Variants in PTPN5 observed in about 807,000 individuals in gnomAD.
PTPN5 encodes the protein tyrosine-protein phosphatase non-receptor type 5.
Under a neutral mutation model 73.9 loss-of-function variants are expected in PTPN5, and 29 were observed. The observed-to-expected ratio is 0.39, with a 90% CI of 0.29 to 0.54. The LOEUF (loss-of-function observed/expected upper bound fraction) is 0.54, where lower values mean the gene tolerates loss of function less well. PTPN5 is among the 20% of genes least tolerant of loss of function. PTPN5 has a pLI of 0.65. For missense variants in PTPN5, 652 were observed against 751.4 expected, an observed-to-expected ratio of 0.87 and a Z score of 1.55; for synonymous variants, 267 against 304.7, an observed-to-expected ratio of 0.88 and a Z score of 1.29.
intron 1 of PTPN5, among the ~76,000 whole-genome samples, chr11:18,787,317 ACATT>A (rs35970048): frequency 0.21 from 32,006 of 151,866 alleles, 3,770 homozygotes; most frequent in South Asian, 0.35. Context: ...GTCATTTCCA[ACATT>A]CATTCATTCA....
At position 18,737,957 on chromosome 11, in the gene PTPN5, G is replaced by C; in HGVS notation, c.923C>G (p.Pro308Arg). The change falls in exon 9 of 15, where the codon CCC (proline) becomes CGC (arginine). Residue 308 changes from proline to arginine, a missense_variant. Pro to Arg is a moderately radical substitution (Grantham distance 103, BLOSUM62 -2). Transcript: ENST00000358540. ...FLLQAEFFEIPMNFVDPKEYD... is the reference protein window; with the variant it reads ...FLLQAEFFEIRMNFVDPKEYD... Reference sequence around the variant, plus strand: ...CTCTTTCGGATCCACAAAGTTCATGGGGATTTCCTGTGGAAGGAGGACACG... The same window carrying C: ...CTCTTTCGGATCCACAAAGTTCATGCGGATTTCCTGTGGAAGGAGGACACG... 1 of 1,614,070 alleles carries C rather than the reference G, an allele frequency of 6.2e-7. No homozygotes were observed. Among genetic ancestry groups the C allele is most frequent in the Admixed American group, 1.7e-5 (1 of 60,032 alleles).
rs1284676244 is a variant in PTPN5, at chr11:18,784,732, A to G, written c.-114+6793T>C. Among the ~76,000 whole-genome samples the G allele has an allele frequency of 2.6e-5, 4 of 152,140 alleles. No individual in the cohort carries two copies. The East Asian group carries it at 7.7e-4, about 29-fold the overall frequency. ...CACTGGAAGGACAGACTTCCCTCTG[A>G]AATCTGACAGAGCTGCATGTCCCTC... is the stretch of plus-strand genomic sequence containing the variant. On this transcript the variant is annotated intron_variant, in intron 1 of 14. Transcript: ENST00000358540.
chr11:18,762,287 G>C (rs1311837850), intron 3 of PTPN5, among the ~76,000 whole-genome samples: 1 of 152,180 alleles, frequency 6.6e-6, no homozygotes, highest in Non-Finnish European at 1.5e-5. Flanking sequence ...TCGCCTCTGG[G>C]TAAGACAGAG....
chr11:18,791,202 G>A (rs1851906515), intron 1 of PTPN5, among the ~76,000 whole-genome samples: 1 of 152,204 alleles, frequency 6.6e-6, no homozygotes, highest in Admixed American at 6.5e-5. Context: ...GCCCAGAGCC[G>A]CGCACCAGCC....
chr11:18,767,606 C>A (rs973746755), intron 2 of PTPN5, among the ~76,000 whole-genome samples: 10 of 152,206 alleles, frequency 6.6e-5, no homozygotes, highest in African/African-American at 2.4e-4. Flanking sequence ...AAAATCTGTG[C>A]AGTTTACAAA....
chr11:18,781,956 T>C (rs1025370129), intron 1 of PTPN5, among the ~76,000 whole-genome samples: 5 of 152,126 alleles, frequency 3.3e-5, no homozygotes, highest in Non-Finnish European at 5.9e-5. Context: ...CAGGGAACAC[T>C]GCAGGGCAAA....
chr11:18,751,589 C>T lies in PTPN5; in HGVS notation c.98-7390G>A, dbSNP rs1483145025. Reference sequence around the variant, plus strand: ...GGTAGGAAGATGATAAGGGTTTGGGCCAGCAGCAAGTCCATCTCGGATGGT... The same window carrying T: ...GGTAGGAAGATGATAAGGGTTTGGGTCAGCAGCAAGTCCATCTCGGATGGT... On this transcript the variant is annotated intron_variant, in intron 3 of 14. Coordinates refer to ENST00000358540, the MANE Select transcript of PTPN5 (RefSeq NM_006906.2). Among the ~76,000 whole-genome samples the T allele has an allele frequency of 2.0e-5, 3 of 152,146 alleles. No homozygotes were observed. The South Asian group carries it at 6.2e-4, about 32-fold the overall frequency.
At chr11:18,745,634 T>A (rs1346403367) in intron 3 of PTPN5, among the ~76,000 whole-genome samples, 4 of 152,110 alleles carry the variant, frequency 2.6e-5, no homozygotes, top group African/African-American at 9.7e-5. Context: ...CTCTATCACA[T>A]ACGAGCACCC....
intron 3 of PTPN5, among the ~76,000 whole-genome samples, chr11:18,746,331 G>A (rs1015025171): frequency 3.7e-4 from 56 of 151,044 alleles, no homozygotes; most frequent in African/African-American, 1.1e-3. Flanking sequence ...AGCTGGTATC[G>A]CAGGTGTGTG....
intron 3 of PTPN5, among the ~76,000 whole-genome samples, chr11:18,761,810 G>A (rs1235646452): frequency 6.6e-6 from 1 of 152,206 alleles, no homozygotes; most frequent in Non-Finnish European, 1.5e-5. Flanking sequence ...AGCATGCAGA[G>A]TGGAAGCCGC....
intron 9 of PTPN5, among the ~76,000 whole-genome samples, chr11:18,736,426 G>GTC (rs1849115234): frequency 6.6e-6 from 1 of 152,228 alleles, no homozygotes; most frequent in African/African-American, 2.4e-5. Context: ...CACTCTGACT[G>GTC]TAACTGTGCA....
At chr11:18,744,298 G>A in intron 3 of PTPN5, 99 bp from the exon 4 acceptor site, 1 of 1,074,836 alleles carries the variant, frequency 9.3e-7, no homozygotes, top group Non-Finnish European at 1.3e-6. Flanking sequence ...TCTCAATCTG[G>A]GATCAGTCAG....
intron 1 of PTPN5, among the ~76,000 whole-genome samples, chr11:18,783,010 T>C (rs1484710219): frequency 6.6e-6 from 1 of 152,086 alleles, no homozygotes; most frequent in Non-Finnish European, 1.5e-5. Context: ...GTGGTGGGAG[T>C]ATCTTGGGAC....
At chr11:18,730,576 C>T (rs1848830560) in intron 12 of PTPN5, 2 of 152,244 alleles carry the variant, frequency 1.3e-5, no homozygotes, top group African/African-American at 4.8e-5. Context: ...ACAAAAGGAG[C>T]TTTCACTCCT....
chr11:18,736,067 C>T (rs572231249), intron 9 of PTPN5, among the ~76,000 whole-genome samples: 1 of 152,278 alleles, frequency 6.6e-6, no homozygotes, highest in South Asian at 2.1e-4. Flanking sequence ...AAAGCCCTAA[C>T]CTCAAAAACA....
In PTPN5 at chr11:18,734,949, C is replaced by A. The variant is rs958371827; in HGVS notation, c.1001-1314G>T. Among the ~76,000 whole-genome samples, 9 of 152,186 alleles carry A rather than the reference C, an allele frequency of 5.9e-5. 1 individual carries two copies. The South Asian group carries it at 1.9e-3, about 32-fold the overall frequency. ...TGAGCCAGAGAGGCTAGGTTCAAATCCTGATTCTGACTTACTAGCAGTGTC... is the reference window on the plus strand; with the variant it reads ...TGAGCCAGAGAGGCTAGGTTCAAATACTGATTCTGACTTACTAGCAGTGTC... On this transcript the variant is annotated intron_variant, in intron 9 of 14. Transcript: ENST00000358540.
chr11:18,774,278 C>T (rs755446765), intron 1 of PTPN5, among the ~76,000 whole-genome samples: 7 of 152,224 alleles, frequency 4.6e-5, no homozygotes, highest in Non-Finnish European at 2.9e-5. Context: ...TCTGTGCAAA[C>T]CACCAACAAA....
At chr11:18,748,519 T>TTA (rs1306363809) in intron 3 of PTPN5, among the ~76,000 whole-genome samples, 4 of 152,178 alleles carry the variant, frequency 2.6e-5, no homozygotes, top group Non-Finnish European at 2.9e-5. Context: ...ATTTAGATAT[T>TTA]TTTCTGGGTA....
At chr11:18,744,347 G>A (rs1442439159) in intron 3 of PTPN5, 148 bp from the exon 4 acceptor site, 1 of 556,202 alleles carries the variant, frequency 1.8e-6, no homozygotes, top group African/African-American at 2.0e-5. Flanking sequence ...GATTAGCAAA[G>A]CAATATTCAC....
Sources: allele counts gnomAD v4.1 joint callset (sites outside exome capture counted in the v4.1 genomes callset), GRCh38; gene constraint gnomAD v4.1.1; transcripts MANE v1.5; gene names NCBI Gene and HGNC (gene_info 2026-07-23, HGNC 2026-07-21).